Variants in CIBAR1 observed in about 807,000 individuals in gnomAD.
CIBAR1 encodes the protein CBY1 interacting BAR domain containing 1, also known as CBY1-interacting BAR domain-containing protein 1.
CIBAR1 carries 25 observed loss-of-function variants against 44.0 expected under a neutral mutation model. That is an observed-to-expected ratio of 0.57 (90% confidence interval 0.41 to 0.79). The LOEUF (loss-of-function observed/expected upper bound fraction) is 0.79. CIBAR1 is among the 30% of genes least tolerant of loss of function. The pLI, the probability that CIBAR1 is intolerant of heterozygous loss-of-function variation, is 0.00. For synonymous variants in CIBAR1, 115 were observed against 119.0 expected (o/e 0.97, Z 0.22); for missense variants, 278 against 344.8 (o/e 0.81, Z 1.53).
intron 6 of CIBAR1, chr8:93,716,005 A>C (rs550265207): frequency 1.3e-5 from 2 of 152,162 alleles, no homozygotes; most frequent in Non-Finnish European, 2.9e-5. Context: ...TTACGTTCCT[A>C]CTAAACCTTG....
intron 3 of CIBAR1, 35 bp from the exon 4 acceptor site, chr8:93,704,874 G>A: frequency 1.5e-6 from 2 of 1,351,610 alleles, no homozygotes; most frequent in East Asian, 2.3e-5. Flanking sequence ...TCTTAAGTCA[G>A]ACATTTTTAC....
At chr8:93,723,595 C>T (rs1238189196) in intron 7 of CIBAR1, among the ~76,000 whole-genome samples, 2 of 151,762 alleles carry the variant, frequency 1.3e-5, no homozygotes, top group African/African-American at 4.8e-5. Context: ...TAACATCATT[C>T]ATTTGGCAAA....
intron 8 of CIBAR1, among the ~76,000 whole-genome samples, chr8:93,727,596 C>T (rs996215482): frequency 1.3e-5 from 2 of 152,162 alleles, no homozygotes; most frequent in African/African-American, 4.8e-5. Flanking sequence ...ATTAGCATCC[C>T]CCGCCTCTAC....
intron 6 of CIBAR1, among the ~76,000 whole-genome samples, chr8:93,717,776 C>A (rs1380373846): frequency 6.6e-6 from 1 of 152,154 alleles, no homozygotes; most frequent in Non-Finnish European, 1.5e-5. Context: ...CAGCCCAGTT[C>A]TCTCTACATT....
chr8:93,717,158 C>A (rs897737137), intron 6 of CIBAR1, among the ~76,000 whole-genome samples: 17 of 152,192 alleles, frequency 1.1e-4, no homozygotes, highest in African/African-American at 4.1e-4. Context: ...TAGTTTACTT[C>A]TTGAGCATTA....
rs1363744864 is a variant in CIBAR1 at position 93,709,802 on chromosome 8, A to G, written c.470A>G (p.Asp157Gly). The change falls in exon 6 of 9, where the codon GAT becomes GGT. Residue 157 changes from aspartate to glycine, a missense_variant. Transcript: ENST00000518322. ...ACGGAATTACAGAGAGCTGCAATGG[A>G]TGCTAGCCGAACAAGTCGTCATCTG... is the stretch of plus-strand genomic sequence containing the variant. ...AETELQRAAM[D>G]ASRTSRHLEE... 2 of 1,613,536 alleles carry G rather than the reference A, an allele frequency of 1.2e-6. No individual in the cohort carries two copies. The highest frequency in any genetic ancestry group is 1.7e-6 in the Non-Finnish European group (2 of 1,179,758).
At chr8:93,702,294 T>C (rs769816235) in intron 2 of CIBAR1, 2 of 416,106 alleles carry the variant, frequency 4.8e-6, no homozygotes, top group Non-Finnish European at 9.6e-6. Context: ...TGTGGAGTTC[T>C]TGTCATGAAA....
At chr8:93,711,801 T>C (rs1353604619) in intron 6 of CIBAR1, among the ~76,000 whole-genome samples, 3 of 152,164 alleles carry the variant, frequency 2.0e-5, no homozygotes, top group Admixed American at 6.5e-5. Flanking sequence ...ATTCTGATCT[T>C]TGGGCTCACT....
At chr8:93,723,747 G>A (rs1811363368) in intron 7 of CIBAR1, among the ~76,000 whole-genome samples, 1 of 152,096 alleles carries the variant, frequency 6.6e-6, no homozygotes. Flanking sequence ...CAGTACTTGA[G>A]GGTATGAACA....
rs759392832 is a variant in CIBAR1 at position 93,701,390 on chromosome 8, C to T, written c.193C>T (p.His65Tyr). The T allele has an allele frequency of 6.2e-7, 1 of 1,613,718 alleles. No individual in the cohort carries two copies. The highest frequency in any genetic ancestry group is 1.1e-5 in the South Asian group (1 of 91,064). Residue 65 changes from histidine (H) to tyrosine (Y), a missense_variant, in exon 2 of 9, where the codon CAT becomes TAT. Physicochemically the swap from His to Tyr is moderately conservative, Grantham distance 83. Coordinates refer to ENST00000518322, the MANE Select transcript of CIBAR1 (RefSeq NM_145269.5). ...INAYAATETPHLKLGLMNFAD... is the reference protein window; with the variant it reads ...INAYAATETPYLKLGLMNFAD... The stretch of plus-strand genomic sequence containing the variant: ...CGCGTATGCTGCTACAGAGACCCCG[C>T]ATTTAAAGCTGGGCCTGATGAACTT...
chr8:93,705,262 A>G, intron 4 of CIBAR1: 1 of 421,186 alleles, frequency 2.4e-6, no homozygotes, highest in Non-Finnish European at 4.2e-6. Flanking sequence ...TGTTTTTATA[A>G]ACAGTAAATT....
Position 93,700,655 on chromosome 8 carries a change from G to A in CIBAR1, c.8G>A (p.Arg3Lys). 1 of 1,503,782 alleles carries A rather than the reference G, an allele frequency of 6.6e-7. No individual in the cohort carries two copies. The highest frequency in any genetic ancestry group is 1.8e-4 in the Middle Eastern group (1 of 5,620). 93.2% of individuals were successfully genotyped at this position (1,503,782 alleles called of 1,614,324 possible). Reference protein sequence around the residue: MMRRTLENRNAQT... With the variant: MMKRTLENRNAQT... ...GGCCGTGCGCGAGGCAGCATGATGA[G>A]GCGCACCCTGGAAAACCGGTAACAG... Residue 3 changes from arginine (R) to lysine (K), a missense_variant, in exon 1 of 9, where the codon AGG becomes AAG. Physicochemically the swap from Arg to Lys is conservative, Grantham distance 26 (BLOSUM62 2). Around this residue, in one of 3 missense-constraint regions of CIBAR1, gnomAD observed 183 missense variants for 218.6 expected, o/e 0.84. Coordinates refer to ENST00000518322, the MANE Select transcript of CIBAR1 (RefSeq NM_145269.5).
chr8:93,706,895 T>C (rs2130299283), intron 4 of CIBAR1, among the ~76,000 whole-genome samples: 1 of 152,314 alleles, frequency 6.6e-6, no homozygotes, highest in South Asian at 2.1e-4. Flanking sequence ...GATAAACTCT[T>C]AAAATTCATC....
At chr8:93,710,609 A>G (rs1381538027) in intron 6 of CIBAR1, among the ~76,000 whole-genome samples, 1 of 152,016 alleles carries the variant, frequency 6.6e-6, no homozygotes, top group Non-Finnish European at 1.5e-5. Context: ...TAAGGCGGGC[A>G]GATCACTTGA....
At chr8:93,727,241 T>C in intron 8 of CIBAR1, 1 of 1,226,744 alleles carries the variant, frequency 8.2e-7, no homozygotes, top group Non-Finnish European at 1.1e-6. Context: ...GATACAACTT[T>C]TAGGTAAATT....
intron 7 of CIBAR1, chr8:93,719,989 TCCC>T (rs1279593000): frequency 6.6e-6 from 1 of 150,776 alleles, no homozygotes; most frequent in Admixed American, 6.6e-5. Flanking sequence ...TTTTGTATCT[TCCC>T]CCGCCTTCCA....
chr8:93,720,878 A>C (rs1811237955), intron 7 of CIBAR1: 1 of 152,174 alleles, frequency 6.6e-6, no homozygotes, highest in Non-Finnish European at 1.5e-5. Context: ...CAAAAAAAAA[A>C]ACTTGATTAT....
At chr8:93,727,632 AAC>A (rs1811582088) in intron 8 of CIBAR1, among the ~76,000 whole-genome samples, 1 of 152,300 alleles carries the variant, frequency 6.6e-6, no homozygotes, top group African/African-American at 2.4e-5. Flanking sequence ...AGCACACATA[AAC>A]ACACAGCCCC....
At chr8:93,710,694 C>T (rs562224952) in intron 6 of CIBAR1, among the ~76,000 whole-genome samples, 17 of 151,912 alleles carry the variant, frequency 1.1e-4, no homozygotes, top group Non-Finnish European at 2.2e-4. Context: ...ATTAGCCAGG[C>T]GTGATGGCAC....
Sources: gnomAD v4.1 joint callset for allele counts (sites outside exome capture counted in the v4.1 genomes callset) on GRCh38, gnomAD v4.1.1 for gene constraint, gnomAD v4.1.1 regional missense constraint, MANE v1.5 for transcripts, NCBI Gene and HGNC (gene_info 2026-07-23, HGNC 2026-07-21) for gene names.